The following ARHGAP32 variants were observed in gnomAD, a reference collection of about 807,000 sequenced individuals.
ARHGAP32 encodes rho GTPase-activating protein 32.
Under a neutral mutation model 186.5 loss-of-function variants are expected in ARHGAP32, and 51 were observed. That is an observed-to-expected ratio of 0.27 (90% CI 0.22 to 0.35). ARHGAP32 has a LOEUF of 0.35. ARHGAP32 is among the 10% of genes least tolerant of loss of function. The pLI is 1.00. For synonymous variants in ARHGAP32, 950 were observed against 964.3 expected, an observed-to-expected ratio of 0.99 and a Z score of 0.27; for missense variants, 2,186 against 2,623.5, an observed-to-expected ratio of 0.83 and a Z score of 3.64.
rs955953418 is a variant in ARHGAP32 at position 129,042,933 on chromosome 11, G to A, written c.964-1924C>T. 3.3e-5 allele frequency among the ~76,000 whole-genome samples: 5 copies of A among 152,158 alleles called. No individual in the cohort carries two copies. In the East Asian group the frequency reaches 9.6e-4, roughly 29 times the overall value. ...GATGGGAGGTGCCCTGGAAATAGCTGCTTCAGGATCTTAAGCCATGACGGA... is the reference window on the plus strand; with the variant it reads ...GATGGGAGGTGCCCTGGAAATAGCTACTTCAGGATCTTAAGCCATGACGGA... On this transcript the variant is annotated intron_variant, in intron 10 of 22. Coordinates refer to ENST00000682385, the MANE Select transcript of ARHGAP32 (RefSeq NM_001378024.1).
chr11:129,224,509 A>T (rs1179146840), intron 1 of ARHGAP32, among the ~76,000 whole-genome samples: 1 of 152,040 alleles, frequency 6.6e-6, no homozygotes, highest in Non-Finnish European at 1.5e-5. Context: ...AAACAGCTGA[A>T]TCTCCGTAAG....
intron 1 of ARHGAP32, among the ~76,000 whole-genome samples, chr11:129,233,735 T>A (rs1944888981): frequency 6.6e-6 from 1 of 152,078 alleles, no homozygotes; most frequent in South Asian, 2.1e-4. Flanking sequence ...TGTATCCATG[T>A]ATTACACGGA....
At chr11:129,044,697 C>T (rs1361872411) in intron 10 of ARHGAP32, among the ~76,000 whole-genome samples, 4 of 136 alleles carry the variant, frequency 0.029, no homozygotes, top group Non-Finnish European at 0.056. Flanking sequence ...ATAAAATCTG[C>T]AACTGCCTGA....
intron 22 of ARHGAP32, chr11:128,972,042 T>C (rs1438826580): frequency 6.5e-6 from 1 of 154,368 alleles, no homozygotes; most frequent in African/African-American, 2.4e-5. Context: ...ATTGTGTAAC[T>C]GTGAATAATT....
In ARHGAP32 at chr11:129,070,887, G is replaced by A. The variant is rs564585264; in HGVS notation, c.532-4019C>T. ...ATTTGCCTTTTATTGACTTAATGAAGCTAAACACAATTTCATATTTCTCAG... is the reference window on the plus strand; with the variant it reads ...ATTTGCCTTTTATTGACTTAATGAAACTAAACACAATTTCATATTTCTCAG... On this transcript the variant is annotated intron_variant, in intron 6 of 22. Transcript: ENST00000682385. Among the ~76,000 whole-genome samples, 592 of 151,948 alleles carry A rather than the reference G, an allele frequency of 3.9e-3. 2 individuals are homozygous for A. Among genetic ancestry groups the A allele is most frequent in the African/African-American group, 0.014 (566 of 41,500 alleles).
intron 22 of ARHGAP32, 94 bp from the exon 23 acceptor site, chr11:128,971,253 G>C (rs60181419): frequency 9.6e-6 from 11 of 1,144,438 alleles, no homozygotes; most frequent in Non-Finnish European, 1.3e-5. Flanking sequence ...AGGCTGGTTG[G>C]GTAGCAGCTT....
At chr11:129,055,159 T>G (rs1330157052) in intron 10 of ARHGAP32, among the ~76,000 whole-genome samples, 1 of 152,224 alleles carries the variant, frequency 6.6e-6, no homozygotes, top group African/African-American at 2.4e-5. Flanking sequence ...TAAAAAGAAT[T>G]ACTGGTAACA....
rs534201237 is a variant in ARHGAP32 at position 129,123,936 on chromosome 11, G to T, written c.318-7C>A. On this transcript the variant is annotated splice_region_variant and splice_polypyrimidine_tract_variant and intron_variant, in intron 3 of 22. Coordinates refer to ENST00000682385, the MANE Select transcript of ARHGAP32 (RefSeq NM_001378024.1). The surrounding 1 kb of genome is among the most constrained non-coding windows in gnomAD (Gnocchi z 4.6). ...CAGTCCTGGAGTGGTGGACCTGAAC[G>T]CAGAATGAACATTTTTATCCTTGTC... 2 of 1,289,508 alleles carry T rather than the reference G, an allele frequency of 1.6e-6. No individual in the cohort carries two copies. Among genetic ancestry groups the T allele is most frequent in the Non-Finnish European group, 2.0e-6 (2 of 989,024 alleles). The allele number at this position is 1,289,508 out of a possible 1,614,324, so 79.9% of individuals were successfully genotyped here. A position where few individuals can be genotyped will look rare whatever the true frequency, so the allele number is the denominator to read the frequency against.
intron 10 of ARHGAP32, among the ~76,000 whole-genome samples, chr11:129,047,326 C>T (rs1167440333): frequency 6.6e-6 from 1 of 152,066 alleles, no homozygotes; most frequent in Non-Finnish European, 1.5e-5. Flanking sequence ...TTTTCATTTT[C>T]TGACTACAAC....
At chr11:129,237,680 G>T (rs1944954155) in intron 1 of ARHGAP32, among the ~76,000 whole-genome samples, 1 of 152,132 alleles carries the variant, frequency 6.6e-6, no homozygotes, top group Non-Finnish European at 1.5e-5. Context: ...TGGTGCAACA[G>T]TACGGTGAGG....
intron 1 of ARHGAP32, among the ~76,000 whole-genome samples, chr11:129,178,230 T>G (rs565460235): frequency 2.7e-3 from 406 of 152,152 alleles, no homozygotes; most frequent in African/African-American, 9.3e-3. Flanking sequence ...GAATCCAACT[T>G]ACAAGGGATG....
chr11:128,997,797 T>C (rs1271298359), intron 12 of ARHGAP32, among the ~76,000 whole-genome samples: 1 of 152,084 alleles, frequency 6.6e-6, no homozygotes, highest in Admixed American at 6.5e-5. Context: ...GTCCCAGTAC[T>C]CTGGGAGGAC....
chr11:128,987,076 A>T (rs1330014803), intron 13 of ARHGAP32, among the ~76,000 whole-genome samples: 1 of 152,258 alleles, frequency 6.6e-6, no homozygotes, highest in Non-Finnish European at 1.5e-5. Context: ...TTCCTCAGAT[A>T]CAGATTGTAC....
At chr11:129,214,147 A>G (rs970431948) in intron 1 of ARHGAP32, among the ~76,000 whole-genome samples, 1 of 152,166 alleles carries the variant, frequency 6.6e-6, no homozygotes. Context: ...CACAACAAAA[A>G]GAAGCCTATG....
chr11:129,271,362 GA>G lies in ARHGAP32; in HGVS notation c.-5+7783del, dbSNP rs1468724072. On this transcript the variant is annotated intron_variant, in intron 1 of 6. Transcript: ENST00000525234. ...ACCAGACTTAACATGAGATGAGGAG[GA>G]AAAAAAGAAATCAAGGAGGAGGAAG... Among the ~76,000 whole-genome samples, 10 of 151,946 alleles carry G rather than the reference GA, an allele frequency of 6.6e-5. No homozygotes were observed. In the South Asian group the frequency reaches 2.1e-3, roughly 31 times the overall value.
rs1249803580 is a variant in ARHGAP32, at chr11:128,988,075, C to T, written c.1246G>A (p.Val416Met). The T allele has an allele frequency of 1.9e-6, 3 of 1,613,404 alleles. No homozygotes were observed. Among genetic ancestry groups the T allele is most frequent in the African/African-American group, 1.3e-5 (1 of 74,904 alleles). Reference protein sequence around the residue: ...CTAFIERYGIVDGIYRLSGVA... With the variant: ...CTAFIERYGIMDGIYRLSGVA... ...CCAGAAAGGCGATAGATTCCATCCACGATGCCATATCTCTCAATGAATGCT... is the reference window on the plus strand; with the variant it reads ...CCAGAAAGGCGATAGATTCCATCCATGATGCCATATCTCTCAATGAATGCT... Residue 416 changes from valine to methionine, a missense_variant, in exon 13 of 23, where the codon GTG (valine) becomes ATG (methionine). Val to Met is a conservative substitution (Grantham distance 21). This residue lies in a region of ARHGAP32 where 308 missense variants were observed against 596.5 expected (regional missense o/e 0.52). Coordinates refer to ENST00000682385, the MANE Select transcript of ARHGAP32 (RefSeq NM_001378024.1).
chr11:129,065,765 C>A (rs1222176627), intron 7 of ARHGAP32, among the ~76,000 whole-genome samples: 1 of 152,064 alleles, frequency 6.6e-6, no homozygotes, highest in East Asian at 1.9e-4. Flanking sequence ...TATTTCCTTG[C>A]ATCCACTCTC....
chr11:129,137,811 C>T (rs1942967723), intron 2 of ARHGAP32, among the ~76,000 whole-genome samples: 1 of 151,880 alleles, frequency 6.6e-6, no homozygotes, highest in Non-Finnish European at 1.5e-5. Context: ...TTGATTATGG[C>T]ACAGCATATA....
chr11:129,069,733 T>C (rs940385111), intron 6 of ARHGAP32, among the ~76,000 whole-genome samples: 3 of 150,066 alleles, frequency 2.0e-5, no homozygotes, highest in African/African-American at 5.0e-5. Flanking sequence ...CACGAGAAGA[T>C]GTATTAGGCT....
Sources: gnomAD v4.1 joint callset for allele counts (sites outside exome capture counted in the v4.1 genomes callset) on GRCh38, gnomAD v4.1.1 for gene constraint, gnomAD v4.1.1 regional missense constraint, Gnocchi (gnomAD v3.1) non-coding constraint, MANE v1.5 for transcripts, NCBI Gene and HGNC (gene_info 2026-07-23, HGNC 2026-07-21) for gene names.